Variants in RNF4 observed in about 807,000 individuals in gnomAD.
The protein encoded by RNF4 is ring finger protein 4, also known as E3 ubiquitin-protein ligase RNF4.
A neutral mutation model predicts 24.3 loss-of-function variants in RNF4; 7 were observed. The ratio of observed to expected loss-of-function variants is 0.29; its 90% CI spans 0.16 to 0.54. The LOEUF (loss-of-function observed/expected upper bound fraction) is 0.54, where lower values mean the gene tolerates loss of function less well. Among genes scored for constraint, RNF4 ranks in the 20% least tolerant of loss-of-function variants. RNF4 has a pLI of 0.95. For synonymous variants in RNF4, 83 were observed against 84.3 expected (o/e 0.98, Z 0.09); for missense variants, 209 against 248.5 (o/e 0.84, Z 1.07).
rs764005697 is a variant in RNF4, at chr4:2,512,556, T to A, written c.333T>A (p.His111Gln). 3 of 1,613,922 alleles carry A rather than the reference T, an allele frequency of 1.9e-6. No individual in the cohort carries two copies. The highest frequency in any genetic ancestry group is 2.5e-6 in the Non-Finnish European group (3 of 1,179,824). Residue 111 changes from histidine to glutamine, a missense_variant, in exon 6 of 8, where the codon CAT becomes CAA. Around this residue, in one of 3 missense-constraint regions of RNF4, gnomAD observed 182 missense variants for 197.2 expected, o/e 0.92. Coordinates refer to ENST00000314289, the MANE Select transcript of RNF4 (RefSeq NM_002938.5). The surrounding 1 kb of genome is among the most constrained non-coding windows in gnomAD (Gnocchi z 4.1). The stretch of plus-strand genomic sequence containing the variant: ...ACAGAGACGTATATGTGACTACCCA[T>A]ACTCCCAGAAACGCCAGGGATGAGG... ...SRDRDVYVTT[H>Q]TPRNARDEGA...
Position 2,494,571 on chromosome 4 carries a change from G to C in RNF4, c.10-2436G>C, listed in dbSNP as rs553279145. Reference sequence around the variant, plus strand: ...TTTTTTTGTATTTTTTAGTAGAGATGGGGTTTCTACGTGTTAGCCAGGATG... The same window carrying C: ...TTTTTTTGTATTTTTTAGTAGAGATCGGGTTTCTACGTGTTAGCCAGGATG... On this transcript the variant is annotated intron_variant, in intron 2 of 7. Transcript: ENST00000314289. The C allele has an allele frequency of 4.6e-5, 7 of 151,902 alleles. No individual in the cohort carries two copies. The East Asian group carries it at 1.4e-3, about 29-fold the overall frequency. 9.4% of individuals were successfully genotyped at this position (151,902 alleles called of 1,614,324 possible).
At chr4:2,496,826 A>G (rs1397459368) in intron 2 of RNF4, among the ~76,000 whole-genome samples, 181 bp from the exon 3 acceptor site, 1 of 152,094 alleles carries the variant, frequency 6.6e-6, no homozygotes, top group Non-Finnish European at 1.5e-5. Context: ...TATGTTTTGG[A>G]TGGTTTCTCT....
intron 4 of RNF4, among the ~76,000 whole-genome samples, chr4:2,502,108 C>A (rs567176996): frequency 6.6e-6 from 1 of 152,336 alleles, no homozygotes; most frequent in South Asian, 2.1e-4. Context: ...AGCTACAGCA[C>A]AGTCACTGAT....
rs112662060 is a variant in RNF4 at position 2,514,268 on chromosome 4, G to C, written c.*449G>C. On this transcript the variant is annotated 3_prime_UTR_variant, in exon 8 of 8. Coordinates refer to ENST00000314289, the MANE Select transcript of RNF4 (RefSeq NM_002938.5). ...TCACCCAGCTCGAGGATCCCAGGTT[G>C]AAGAGTGGCCCCTTGAGGCCCTGGA... 1,070 of 184,680 alleles carry C rather than the reference G, an allele frequency of 5.8e-3. 18 individuals carry two copies. The highest frequency in any genetic ancestry group is 0.023 in the African/African-American group (990 of 42,948). 11.4% of individuals were successfully genotyped at this position (184,680 alleles called of 1,614,324 possible).
rs1248133354 is a variant in RNF4 at position 2,477,853 on chromosome 4, C to G, written c.-158+8595C>G. ...AGAGTGCGATGCTGCTGAAAAGATA[C>G]CTGAAAATTTGGAAACAGCTTTGCA... On this transcript the variant is annotated intron_variant, in intron 1 of 7. Transcript: ENST00000314289. 2.0e-5 allele frequency among the ~76,000 whole-genome samples: 3 copies of G among 152,072 alleles called. No homozygotes were observed. The South Asian group carries it at 6.2e-4, about 31-fold the overall frequency.
chr4:2,488,508 C>T (rs1172458811), intron 1 of RNF4, among the ~76,000 whole-genome samples: 1 of 152,142 alleles, frequency 6.6e-6, no homozygotes, highest in Non-Finnish European at 1.5e-5. Context: ...TATCACACAG[C>T]ATTTTAGGGC....
chr4:2,504,564 ATTTT>A (rs1335291954), intron 4 of RNF4, among the ~76,000 whole-genome samples: 68 of 130,360 alleles, frequency 5.2e-4, no homozygotes, highest in African/African-American at 1.8e-3. Context: ...TTATTTATTT[ATTTT>A]GAGACAGAGT....
intron 4 of RNF4, among the ~76,000 whole-genome samples, chr4:2,501,163 G>A (rs2108770586): frequency 6.6e-6 from 1 of 152,354 alleles, no homozygotes; most frequent in South Asian, 2.1e-4. Flanking sequence ...ATGAAATGGG[G>A]ACAGGTCACT....
chr4:2,497,203 C>A, intron 3 of RNF4, 82 bp downstream of exon 3: 1 of 981,892 alleles, frequency 1.0e-6, no homozygotes, highest in Non-Finnish European at 1.5e-6. Context: ...GTAGAAGGTG[C>A]TTTCAGTGTC....
chr4:2,486,902 C>A (rs1261700401), intron 1 of RNF4, among the ~76,000 whole-genome samples: 1 of 152,072 alleles, frequency 6.6e-6, no homozygotes, highest in Non-Finnish European at 1.5e-5. Flanking sequence ...TAGATGTGCA[C>A]CCAAATGTAA....
At chr4:2,506,317 G>T (rs957668265) in intron 4 of RNF4, 1 of 151,948 alleles carries the variant, frequency 6.6e-6, no homozygotes, top group African/African-American at 2.4e-5. Flanking sequence ...CTGAGTAGCT[G>T]GGATTACAGG....
intron 1 of RNF4, chr4:2,480,700 G>A (rs1735220546): frequency 6.6e-6 from 1 of 152,182 alleles, no homozygotes; most frequent in Admixed American, 6.5e-5. Context: ...AGAAGAAATG[G>A]TTAAGTCAGG....
intron 7 of RNF4, 99 bp downstream of exon 7, chr4:2,513,230 C>A (rs1736319211): frequency 3.6e-6 from 4 of 1,120,540 alleles, no homozygotes; most frequent in Non-Finnish European, 5.4e-6. Context: ...GATTGGACAC[C>A]CCTACTCACA....
chr4:2,487,732 AT>A (rs1257404893), intron 1 of RNF4, among the ~76,000 whole-genome samples: 1 of 152,192 alleles, frequency 6.6e-6, no homozygotes, highest in East Asian at 1.9e-4. Flanking sequence ...CCATTTGTGC[AT>A]TCTGTTGAGA....
At chr4:2,472,874 A>G (rs868533162) in intron 1 of RNF4, among the ~76,000 whole-genome samples, 3 of 151,502 alleles carry the variant, frequency 2.0e-5, no homozygotes, top group African/African-American at 7.3e-5. Context: ...CCCCATCTCT[A>G]CTAAAAATAC....
In RNF4 at chr4:2,491,528, C is replaced by T. The variant is rs141706372; in HGVS notation, c.9+1026C>T. 8.2e-3 allele frequency among the ~76,000 whole-genome samples: 1,251 copies of T among 152,172 alleles called. 19 individuals are homozygous for T. The highest frequency in any genetic ancestry group is 0.028 in the African/African-American group (1,142 of 41,508). On this transcript the variant is annotated intron_variant, in intron 2 of 7. Coordinates refer to ENST00000314289, the MANE Select transcript of RNF4 (RefSeq NM_002938.5). ...TACCATCTCGGCTTGCTGCAACCTC[C>T]GCCTCCCAGGTTCAAGCGACTCTCC...
chr4:2,486,706 C>T (rs1221954779), intron 1 of RNF4, among the ~76,000 whole-genome samples: 2 of 152,122 alleles, frequency 1.3e-5, no homozygotes, highest in Non-Finnish European at 2.9e-5. Context: ...CTTCAGCAGC[C>T]GTATTTGGAA....
intron 1 of RNF4, chr4:2,471,197 C>T (rs1451039758): frequency 1.3e-5 from 2 of 152,156 alleles, no homozygotes; most frequent in African/African-American, 4.8e-5. Flanking sequence ...GAACGCCTGA[C>T]CTCAAGTGAT....
At chr4:2,482,887 T>C (rs952014672) in intron 1 of RNF4, among the ~76,000 whole-genome samples, 1 of 152,186 alleles carries the variant, frequency 6.6e-6, no homozygotes, top group Non-Finnish European at 1.5e-5. Context: ...TTCAACCTCC[T>C]CTGAGTCCTG....
Sources: allele counts gnomAD v4.1 joint callset (sites outside exome capture counted in the v4.1 genomes callset), GRCh38; gene constraint gnomAD v4.1.1; regional missense constraint gnomAD v4.1.1; non-coding constraint Gnocchi (gnomAD v3.1); transcripts MANE v1.5; gene names NCBI Gene and HGNC (gene_info 2026-07-23, HGNC 2026-07-21).